Variants in ZDHHC14 observed in about 807,000 individuals in gnomAD.
ZDHHC14 encodes zDHHC palmitoyltransferase 14.
In ZDHHC14, 16 loss-of-function variants were observed where a neutral mutation model predicts 47.7. The observed-to-expected ratio is 0.34, with a 90% CI of 0.23 to 0.51. ZDHHC14 has a LOEUF of 0.51. Ranked by LOEUF, ZDHHC14 falls within the 20% of genes least tolerant of loss-of-function variation. The probability of loss-of-function intolerance (pLI) is 0.97; values close to 1 mark genes in which losing one functional copy is unlikely to be tolerated. For missense variants in ZDHHC14, 515 were observed against 662.5 expected (o/e 0.78, Z 2.44); for synonymous variants, 293 against 278.9 (o/e 1.05, Z -0.50).
intron 3 of ZDHHC14, among the ~76,000 whole-genome samples, chr6:157,598,993 T>G: frequency 6.6e-6 from 1 of 152,334 alleles, no homozygotes; most frequent in East Asian, 1.9e-4. Flanking sequence ...AAAAAAAACT[T>G]TAAAAAACTT....
intron 1 of ZDHHC14, among the ~76,000 whole-genome samples, chr6:157,407,779 T>C (rs966593983): frequency 1.3e-5 from 2 of 152,242 alleles, no homozygotes; most frequent in Non-Finnish European, 2.9e-5. Context: ...CTTGTTGGCC[T>C]GTCCTCATGC....
intron 1 of ZDHHC14, among the ~76,000 whole-genome samples, chr6:157,383,305 C>G (rs1170933135): frequency 6.6e-6 from 1 of 152,100 alleles, no homozygotes; most frequent in Non-Finnish European, 1.5e-5. Flanking sequence ...TTAAAGAAAG[C>G]AATATATTTA....
intron 2 of ZDHHC14, among the ~76,000 whole-genome samples, chr6:157,570,753 A>G (rs1303023547): frequency 2.5e-5 from 3 of 122,216 alleles, no homozygotes; most frequent in Admixed American, 2.2e-4. Flanking sequence ...ATGTATATAC[A>G]TACACACACA....
At chr6:157,565,818 A>AT (rs1260625151) in intron 2 of ZDHHC14, among the ~76,000 whole-genome samples, 1 of 151,848 alleles carries the variant, frequency 6.6e-6, no homozygotes, top group Non-Finnish European at 1.5e-5. Flanking sequence ...AAAAAAAAAA[A>AT]AGGTTGGGTC....
intron 8 of ZDHHC14, among the ~76,000 whole-genome samples, chr6:157,663,346 G>A (rs1778422650): frequency 6.6e-6 from 1 of 152,236 alleles, no homozygotes; most frequent in Non-Finnish European, 1.5e-5. Flanking sequence ...AGGACGCAGA[G>A]CTCCTAGTGG....
chr6:157,577,771 A>G (rs1279092678), intron 2 of ZDHHC14, among the ~76,000 whole-genome samples: 1 of 152,074 alleles, frequency 6.6e-6, no homozygotes, highest in Admixed American at 6.6e-5. Flanking sequence ...GATGGTCTCA[A>G]ACTCCTGAAC....
chr6:157,393,417 A>G (rs1459652994), intron 1 of ZDHHC14, among the ~76,000 whole-genome samples: 2 of 152,200 alleles, frequency 1.3e-5, no homozygotes, highest in African/African-American at 4.8e-5. Context: ...CCCACTTGGG[A>G]AGGAATTTGA....
intron 6 of ZDHHC14, among the ~76,000 whole-genome samples, chr6:157,646,987 T>C (rs933339825): frequency 2.0e-5 from 3 of 152,220 alleles, no homozygotes; most frequent in Non-Finnish European, 4.4e-5. Flanking sequence ...GAAAAAAATC[T>C]CTGCTGGCTT....
intron 1 of ZDHHC14, among the ~76,000 whole-genome samples, chr6:157,521,999 TG>T (rs1347871969): frequency 6.7e-6 from 1 of 149,088 alleles, no homozygotes; most frequent in African/African-American, 2.5e-5. Flanking sequence ...ACTGAAAAAT[TG>T]CTAAGTATAT....
chr6:157,650,807 T>C (rs963172812), intron 7 of ZDHHC14, among the ~76,000 whole-genome samples: 1 of 152,202 alleles, frequency 6.6e-6, no homozygotes, highest in African/African-American at 2.4e-5. Flanking sequence ...CCTGTTTCCC[T>C]TGAGCTCTGC....
chr6:157,552,446 AC>A (rs1782272225), intron 2 of ZDHHC14, among the ~76,000 whole-genome samples: 1 of 151,362 alleles, frequency 6.6e-6, no homozygotes, highest in African/African-American at 2.4e-5. Flanking sequence ...CAGGAGAAAA[AC>A]CCCCCTGGAG....
At chr6:157,405,159 A>T (rs888707225) in intron 1 of ZDHHC14, among the ~76,000 whole-genome samples, 1 of 152,212 alleles carries the variant, frequency 6.6e-6, no homozygotes, top group Admixed American at 6.5e-5. Context: ...TAAATTCAGA[A>T]ATGTGAAACA....
chr6:157,523,824 G>T (rs1002746652), intron 1 of ZDHHC14, among the ~76,000 whole-genome samples: 4 of 152,040 alleles, frequency 2.6e-5, no homozygotes, highest in African/African-American at 7.2e-5. Context: ...TTGCTTGAGC[G>T]CAAGAAATGG....
rs971146307 is a variant in ZDHHC14 at position 157,669,514 on chromosome 6, C to T, written c.1069-3210C>T. Among the ~76,000 whole-genome samples, 9 of 152,202 alleles carry T rather than the reference C, an allele frequency of 5.9e-5. No homozygotes were observed. In the South Asian group the frequency reaches 8.3e-4, roughly 14 times the overall value. ...TCCTACTGTGTGACCTTGACTGTCT[C>T]CTCCAGCTCCACCCTCGAACATATT... On this transcript the variant is annotated intron_variant, in intron 8 of 8. Transcript: ENST00000359775.
At chr6:157,415,390 G>A (rs1197041034) in intron 1 of ZDHHC14, among the ~76,000 whole-genome samples, 4 of 152,182 alleles carry the variant, frequency 2.6e-5, no homozygotes, top group Non-Finnish European at 5.9e-5. Context: ...GACAGGGAGT[G>A]CTATTTCAAG....
chr6:157,536,620 G>A (rs897907098), intron 1 of ZDHHC14, among the ~76,000 whole-genome samples: 1 of 152,108 alleles, frequency 6.6e-6, no homozygotes, highest in African/African-American at 2.4e-5. Context: ...AAATGTTTAA[G>A]AAATTAATTT....
intron 6 of ZDHHC14, among the ~76,000 whole-genome samples, chr6:157,646,880 A>G (rs1236409543): frequency 6.6e-6 from 1 of 152,208 alleles, no homozygotes; most frequent in Non-Finnish European, 1.5e-5. Context: ...TGGTCACAAG[A>G]AGAGGCTGAA....
At chr6:157,525,240 A>C (rs1345662930) in intron 1 of ZDHHC14, among the ~76,000 whole-genome samples, 1 of 152,150 alleles carries the variant, frequency 6.6e-6, no homozygotes, top group Non-Finnish European at 1.5e-5. Context: ...AACTCACTGC[A>C]ACCTTGAACT....
intron 2 of ZDHHC14, among the ~76,000 whole-genome samples, chr6:157,570,541 A>G (rs990639001): frequency 5.3e-5 from 8 of 152,356 alleles, no homozygotes; most frequent in Admixed American, 1.3e-4. Context: ...AAACTTTGCA[A>G]GGACAAAGCC....
Sources: allele counts gnomAD v4.1 joint callset (sites outside exome capture counted in the v4.1 genomes callset), GRCh38; gene constraint gnomAD v4.1.1; transcripts MANE v1.5; gene names NCBI Gene and HGNC (gene_info 2026-07-23, HGNC 2026-07-21).